ENPEP: variants seen among roughly 807,000 people sequenced by gnomAD.
ENPEP encodes the protein AP-A.
Under a neutral mutation model 114.5 loss-of-function variants are expected in ENPEP, and 103 were observed. The observed-to-expected ratio is 0.90, with a 90% confidence interval of 0.77 to 1.06. The LOEUF (loss-of-function observed/expected upper bound fraction) is 1.06, where lower values mean the gene tolerates loss of function less well. Ranked by LOEUF, ENPEP falls within the 50% of genes least tolerant of loss-of-function variation. The pLI is 0.00. For synonymous variants in ENPEP, 420 were observed against 422.0 expected, an observed-to-expected ratio of 1.00 and a Z score of 0.06; for missense variants, 1,196 against 1,161.3, an observed-to-expected ratio of 1.03 and a Z score of -0.43.
intron 3 of ENPEP, 118 bp from the exon 4 acceptor site, chr4:110,506,519 A>T: frequency 1.9e-6 from 2 of 1,062,774 alleles, no homozygotes; most frequent in Non-Finnish European, 2.6e-6. Flanking sequence ...TTGGAATTCA[A>T]ATTAGACATA....
chr4:110,557,155 G>A (rs769982003), intron 18 of ENPEP, among the ~76,000 whole-genome samples: 2 of 152,124 alleles, frequency 1.3e-5, no homozygotes, highest in African/African-American at 2.4e-5. Context: ...TAGTCAAAGG[G>A]CCAGAAGTCC....
chr4:110,506,879 G>GCCGA, intron 4 of ENPEP, 122 bp downstream of exon 4: 1 of 925,744 alleles, frequency 1.1e-6, no homozygotes, highest in Non-Finnish European at 1.6e-6. Flanking sequence ...TTTATTCTAT[G>GCCGA]CCGACAATAT....
chr4:110,543,050 T>A lies in ENPEP; in HGVS notation c.1980T>A (p.Asp660Glu). ...FSSADRASLI[D>E]DAFALARAQL... ...CAGCAGATCGTGCAAGTCTTATTGA[T>A]GATGCTTTTGCCTTGGCAAGGTGCG... Residue 660 changes from aspartate (D) to glutamate (E), a missense_variant, in exon 13 of 20, where the codon GAT becomes GAA. By Grantham distance (45) the Asp-to-Glu change is conservative (BLOSUM62 2). Transcript: ENST00000265162. The A allele has an allele frequency of 6.2e-7, 1 of 1,613,214 alleles. No homozygotes were observed. Among genetic ancestry groups the A allele is most frequent in the Non-Finnish European group, 8.5e-7 (1 of 1,179,334 alleles).
intron 2 of ENPEP, 39 bp from the exon 3 acceptor site, chr4:110,490,994 T>C: frequency 1.9e-6 from 3 of 1,590,516 alleles, no homozygotes; most frequent in Admixed American, 1.8e-5. Context: ...ATATGATTGA[T>C]ATTTTGATCG....
rs11933999 is a variant in ENPEP, at chr4:110,553,474, G to A, written c.2642+19G>A. ...TCAACAGGTGGGATGATCTGATGAT[G>A]GTCTGCTGTTTTCTTTGTTTCATAC... is the stretch of plus-strand genomic sequence containing the variant. On this transcript the variant is annotated intron_variant, in intron 18 of 19. Coordinates refer to ENST00000265162, the MANE Select transcript of ENPEP (RefSeq NM_001977.4). 10,684 of 1,598,474 alleles carry A rather than the reference G, an allele frequency of 6.7e-3. 627 individuals carry two copies. The African/African-American group carries it at 0.13, about 19-fold the overall frequency.
intron 3 of ENPEP, 55 bp downstream of exon 3, chr4:110,491,219 CT>C: frequency 7.1e-7 from 1 of 1,409,286 alleles, no homozygotes; most frequent in Non-Finnish European, 9.5e-7. Context: ...AATTAATTAT[CT>C]ACCTTTTTTG....
intron 4 of ENPEP, among the ~76,000 whole-genome samples, chr4:110,509,170 A>G (rs937394646): frequency 1.3e-5 from 2 of 152,226 alleles, no homozygotes; most frequent in Admixed American, 6.5e-5. Context: ...GCGGATGATA[A>G]GCTATTAGAT....
chr4:110,504,902 T>C (rs571093216), intron 3 of ENPEP, among the ~76,000 whole-genome samples: 18 of 152,214 alleles, frequency 1.2e-4, no homozygotes, highest in Non-Finnish European at 2.5e-4. Flanking sequence ...TCTTTCAACT[T>C]CTTTTACAAT....
chr4:110,483,414 T>C (rs1724386982), intron 1 of ENPEP, among the ~76,000 whole-genome samples: 1 of 152,194 alleles, frequency 6.6e-6, no homozygotes, highest in Non-Finnish European at 1.5e-5. Context: ...CCAGAGAGTC[T>C]TCACTGGAAA....
rs140795900 is a variant in ENPEP at position 110,491,101 on chromosome 4, C to T, written c.855C>T (p.Tyr285=). ...AGAAGTCTGTCCCCATGAGCACGTA[C>T]CTGGTGTGCTTTGCTGTACATCAAT... is the stretch of plus-strand genomic sequence containing the variant. ...TFEKSVPMST[Y]LVCFAVHQFD... The change falls in exon 3 of 20, where the codon TAC becomes TAT. Residue 285 remains tyrosine (Y), a synonymous_variant. Transcript: ENST00000265162. The T allele has an allele frequency of 6.2e-7, 1 of 1,612,440 alleles. No individual in the cohort carries two copies. Among genetic ancestry groups the T allele is most frequent in the Non-Finnish European group, 8.5e-7 (1 of 1,179,812 alleles).
chr4:110,543,414 G>A (rs890440926), intron 13 of ENPEP, among the ~76,000 whole-genome samples: 1 of 152,034 alleles, frequency 6.6e-6, no homozygotes, highest in African/African-American at 2.4e-5. Flanking sequence ...GACAAACAAT[G>A]TATTTTATTA....
intron 18 of ENPEP, among the ~76,000 whole-genome samples, chr4:110,558,618 T>G (rs1371005762): frequency 6.6e-6 from 1 of 152,104 alleles, no homozygotes; most frequent in Admixed American, 6.6e-5. Context: ...AAATGTAAAA[T>G]TTATCCTATT....
chr4:110,509,510 G>C (rs185794223), intron 4 of ENPEP, 143 bp from the exon 5 acceptor site: 1 of 1,050,386 alleles, frequency 9.5e-7, no homozygotes, highest in Non-Finnish European at 1.3e-6. Flanking sequence ...TGAAATGTTC[G>C]CACACATGAT....
intron 13 of ENPEP, among the ~76,000 whole-genome samples, chr4:110,543,864 C>T (rs1363372582): frequency 6.6e-6 from 1 of 151,942 alleles, no homozygotes; most frequent in Non-Finnish European, 1.5e-5. Flanking sequence ...TCTTATGGGA[C>T]CCTATATTTC....
At chr4:110,523,139 G>C (rs114275725) in intron 10 of ENPEP, among the ~76,000 whole-genome samples, 262 of 152,230 alleles carry the variant, frequency 1.7e-3, no homozygotes, top group African/African-American at 6.1e-3. Context: ...AAAAAAACTT[G>C]AGGATTTGGT....
chr4:110,482,567 A>G (rs750838098), intron 1 of ENPEP, among the ~76,000 whole-genome samples: 4 of 151,894 alleles, frequency 2.6e-5, no homozygotes, highest in South Asian at 2.1e-4. Flanking sequence ...GTGTGTGTGT[A>G]ATGTATTCTT....
chr4:110,530,241 C>A (rs925063866), intron 10 of ENPEP, among the ~76,000 whole-genome samples: 1 of 152,156 alleles, frequency 6.6e-6, no homozygotes, highest in African/African-American at 2.4e-5. Flanking sequence ...TTTAAAAAAA[C>A]TCAATCCTGT....
rs374773927 is a variant in ENPEP at position 110,559,734 on chromosome 4, A to G, written c.2721+9A>G. ...AACTGCAACTGTGGCAGGTATGAAG[A>G]TAAATTCCTCTGCATTTGTCCAAGA... On this transcript the variant is annotated intron_variant, in intron 19 of 19. Transcript: ENST00000265162. The G allele has an allele frequency of 2.6e-5, 42 of 1,606,482 alleles. No homozygotes were observed. The highest frequency in any genetic ancestry group is 3.4e-5 in the Non-Finnish European group (40 of 1,174,224).
chr4:110,534,928 T>C (rs921403447), intron 11 of ENPEP, among the ~76,000 whole-genome samples: 7 of 152,180 alleles, frequency 4.6e-5, no homozygotes, highest in African/African-American at 1.7e-4. Context: ...GTTCAGAAAG[T>C]CCTAGTTTAA....
Sources: allele counts gnomAD v4.1 joint callset (sites outside exome capture counted in the v4.1 genomes callset), GRCh38; gene constraint gnomAD v4.1.1; transcripts MANE v1.5; gene names NCBI Gene and HGNC (gene_info 2026-07-23, HGNC 2026-07-21).